Variants in ASPM observed in about 807,000 individuals in gnomAD.
The protein encoded by ASPM is assembly factor for spindle microtubules, also known as abnormal spindle-like microcephaly-associated protein.
ASPM carries 256 observed loss-of-function variants against 366.4 expected under a neutral mutation model. The ratio of observed to expected loss-of-function variants is 0.70; its 90% CI spans 0.63 to 0.77. The LOEUF is 0.77. ASPM is among the 30% of genes least tolerant of loss of function. The probability of loss-of-function intolerance (pLI) is 0.00; values close to 1 mark genes in which losing one functional copy is unlikely to be tolerated. For synonymous variants in ASPM, 1,414 were observed against 1,342.9 expected (o/e 1.05, Z -1.16); for missense variants, 4,146 against 4,090.4 (o/e 1.01, Z -0.37).
intron 17 of ASPM, among the ~76,000 whole-genome samples, chr1:197,116,265 T>C (rs1425065538): frequency 6.6e-6 from 1 of 152,182 alleles, no homozygotes; most frequent in Non-Finnish European, 1.5e-5. Context: ...TGAATAGAGT[T>C]TGGGCCTTCT....
chr1:197,092,109 A>G (rs958017487), intron 21 of ASPM, 53 bp from the exon 22 acceptor site: 4 of 1,584,498 alleles, frequency 2.5e-6, no homozygotes, highest in South Asian at 1.1e-5. Context: ...AAGTTAATCA[A>G]TGAGTGTTTT....
At chr1:197,111,394 C>A (rs893226967) in intron 17 of ASPM, among the ~76,000 whole-genome samples, 1 of 151,878 alleles carries the variant, frequency 6.6e-6, no homozygotes, top group African/African-American at 2.4e-5. Context: ...CCATCTCACC[C>A]GTCAAGATGG....
At position 197,100,921 on chromosome 1, in the gene ASPM, C is replaced by T; in HGVS notation, c.8330G>A (p.Cys2777Tyr). 1.2e-6 allele frequency: 2 copies of T among 1,612,752 alleles called. No homozygotes were observed. The change falls in exon 18 of 28, where the codon TGT becomes TAT. Residue 2777 changes from cysteine to tyrosine, a missense_variant. Physicochemically the swap from Cys to Tyr is radical, Grantham distance 194 (BLOSUM62 -2). Coordinates refer to ENST00000367409, the MANE Select transcript of ASPM (RefSeq NM_018136.5). Reference protein sequence around the residue: ...AAIVNQSALCCYRSKTQYEAV... With the variant: ...AAIVNQSALCYYRSKTQYEAV... ...TTCATACTGAGTTTTACTTCTGTAA[C>T]AGCAGAGTGCAGATTGGTTAACAAT...
chr1:197,139,083 T>C, intron 4 of ASPM: 1 of 751,196 alleles, frequency 1.3e-6, no homozygotes, highest in East Asian at 2.5e-5. Context: ...TAAAGCCCAT[T>C]TTCTGCAGTT....
At chr1:197,084,634 T>C (rs1170523734) in intron 27 of ASPM, among the ~76,000 whole-genome samples, 1 of 152,160 alleles carries the variant, frequency 6.6e-6, no homozygotes, top group African/African-American at 2.4e-5. Context: ...TAATGCTGGC[T>C]TCTTTGAAGC....
At chr1:197,118,916 T>C (rs1657821550) in intron 16 of ASPM, among the ~76,000 whole-genome samples, 1 of 152,176 alleles carries the variant, frequency 6.6e-6, no homozygotes, top group Admixed American at 6.6e-5. Context: ...TGGGAAGGAA[T>C]AACTTATGGC....
At position 197,142,969 on chromosome 1, in the gene ASPM, T is replaced by A. The variant is rs767859450; in HGVS notation, c.1283A>T (p.Asp428Val). The A allele has an allele frequency of 1.2e-5, 20 of 1,614,026 alleles. No homozygotes were observed. The African/African-American group carries it at 2.7e-4, about 22-fold the overall frequency. The change falls in exon 3 of 28, where the codon GAT becomes GTT. Residue 428 changes from aspartate to valine, a missense_variant. Asp to Val is a radical substitution (Grantham distance 152). Coordinates refer to ENST00000367409, the MANE Select transcript of ASPM (RefSeq NM_018136.5). ...TGGCGAAACTTCACTTTTTCTCCAA[T>A]CTTCAGGAGACTGTGGGACTTGAGA... ...ENSQVPQSPEDWRKSEVSPRI... is the reference protein window; with the variant it reads ...ENSQVPQSPEVWRKSEVSPRI...
intron 13 of ASPM, among the ~76,000 whole-genome samples, chr1:197,123,342 CTA>C (rs1229562741): frequency 2.6e-5 from 4 of 152,136 alleles, no homozygotes; most frequent in African/African-American, 9.7e-5. Context: ...CATCAGCTGG[CTA>C]TGAGGGCCCA....
At position 197,095,904 on chromosome 1, in the gene ASPM, A is replaced by G. The variant is rs1571593134; in HGVS notation, c.8987+94T>C. 5 of 1,150,006 alleles carry G rather than the reference A, an allele frequency of 4.3e-6. No individual in the cohort carries two copies. In the East Asian group the frequency reaches 1.2e-4, roughly 28 times the overall value. The allele number at this position is 1,150,006 out of a possible 1,614,324, so 71.2% of individuals were successfully genotyped here. Reference sequence around the variant, plus strand: ...TATAAATTAAGCATAACAAATATTTAAAATAAAAATCAATAAGCAGTGTTA... The same window carrying G: ...TATAAATTAAGCATAACAAATATTTGAAATAAAAATCAATAAGCAGTGTTA... On this transcript the variant is annotated intron_variant, in intron 19 of 27. Coordinates refer to ENST00000367409, the MANE Select transcript of ASPM (RefSeq NM_018136.5).
intron 8 of ASPM, 148 bp downstream of exon 8, chr1:197,129,767 G>T: frequency 1.1e-6 from 1 of 880,544 alleles, no homozygotes; most frequent in South Asian, 1.5e-5. Context: ...AACGGGGAAT[G>T]AGGGTGGAGG....
Position 197,104,195 on chromosome 1 carries a change from G to A in ASPM, c.5056C>T (p.Gln1686Ter). The A allele has an allele frequency of 6.2e-7, 1 of 1,612,468 alleles. No homozygotes were observed. The highest frequency in any genetic ancestry group is 8.5e-7 in the Non-Finnish European group (1 of 1,179,220). The change falls in exon 18 of 28, where the codon CAG (glutamine) becomes TAG (stop). Residue 1686 changes from glutamine (Q) to a stop codon, truncating the protein, a stop_gained. Coordinates refer to ENST00000367409, the MANE Select transcript of ASPM (RefSeq NM_018136.5). LOFTEE classifies it high-confidence loss of function. ...LSLKNATIKL[Q>*]STVKMKQTRK... is the part of the protein sequence containing the mutation. The stretch of plus-strand genomic sequence containing the variant: ...GTTTGTTTCATCTTAACAGTTGACT[G>A]CAATTTTATTGTAGCATTTTTTAGG...
At chr1:197,086,160 G>C (rs1359042954) in intron 27 of ASPM, among the ~76,000 whole-genome samples, 2 of 151,750 alleles carry the variant, frequency 1.3e-5, no homozygotes, top group Non-Finnish European at 2.9e-5. Context: ...TAACCACTCA[G>C]GTCAAGAAAT....
intron 4 of ASPM, among the ~76,000 whole-genome samples, chr1:197,137,300 T>A (rs1658447549): frequency 6.6e-6 from 1 of 152,206 alleles, no homozygotes; most frequent in Non-Finnish European, 1.5e-5. Flanking sequence ...CAAGGAATAA[T>A]TGCCGCTATG....
At chr1:197,118,627 A>T (rs554033231) in intron 16 of ASPM, among the ~76,000 whole-genome samples, 2 of 152,134 alleles carry the variant, frequency 1.3e-5, no homozygotes, top group Non-Finnish European at 2.9e-5. Flanking sequence ...TGCTGTAAAT[A>T]ATAACATATT....
At position 197,103,261 on chromosome 1, in the gene ASPM, G is replaced by A. The variant is rs767318099; in HGVS notation, c.5990C>T (p.Ala1997Val). ...QKKWKIMKKAALLIQKYYRAY... is the reference protein window; with the variant it reads ...QKKWKIMKKAVLLIQKYYRAY... ...CCTATAATACTTTTGAATCAGAAGA[G>A]CAGCTTTTTTCATGATTTTCCACTT... is the stretch of plus-strand genomic sequence containing the variant. The change falls in exon 18 of 28, where the codon GCT becomes GTT. Residue 1997 changes from alanine (A) to valine (V), a missense_variant. Coordinates refer to ENST00000367409, the MANE Select transcript of ASPM (RefSeq NM_018136.5). The A allele has an allele frequency of 1.2e-5, 19 of 1,612,758 alleles. No individual in the cohort carries two copies. The African/African-American group carries it at 1.9e-4, about 16-fold the overall frequency.
chr1:197,126,425 G>C (rs374380260), intron 10 of ASPM, among the ~76,000 whole-genome samples: 4 of 116,364 alleles, frequency 3.4e-5, no homozygotes, highest in African/African-American at 1.0e-4. Context: ...GGGTGACAGA[G>C]TGAGACTCTG....
chr1:197,110,976 A>AT (rs1657566780), intron 17 of ASPM, among the ~76,000 whole-genome samples: 1 of 152,154 alleles, frequency 6.6e-6, no homozygotes, highest in Non-Finnish European at 1.5e-5. Context: ...ACCCAAACCA[A>AT]TAAAAACCCT....
chr1:197,123,731 A>G (rs1014178026), intron 13 of ASPM, among the ~76,000 whole-genome samples: 9 of 152,026 alleles, frequency 5.9e-5, no homozygotes, highest in African/African-American at 2.2e-4. Context: ...ATGATTATAG[A>G]GAGACTCAAA....
At chr1:197,090,671 A>C (rs1656750282) in intron 23 of ASPM, among the ~76,000 whole-genome samples, 179 bp downstream of exon 23, 1 of 152,144 alleles carries the variant, frequency 6.6e-6, no homozygotes, top group Non-Finnish European at 1.5e-5. Flanking sequence ...AACCTCCTCT[A>C]GAGCATTTGA....
Sources: gnomAD v4.1 joint callset for allele counts (sites outside exome capture counted in the v4.1 genomes callset) on GRCh38, gnomAD v4.1.1 for gene constraint, MANE v1.5 for transcripts, NCBI Gene and HGNC (gene_info 2026-07-23, HGNC 2026-07-21) for gene names.